Variants in ASPH observed in about 807,000 individuals in gnomAD.
ASPH encodes aspartyl/asparaginyl beta-hydroxylase.
A neutral mutation model predicts 118.4 loss-of-function variants in ASPH; 100 were observed. The ratio of observed to expected loss-of-function variants is 0.84; its 90% CI spans 0.72 to 1.00. ASPH has a LOEUF of 1.00. ASPH is among the 50% of genes least tolerant of loss of function. The probability of loss-of-function intolerance (pLI) is 0.00; values close to 1 mark genes in which losing one functional copy is unlikely to be tolerated. For missense variants in ASPH, 920 were observed against 919.5 expected, an observed-to-expected ratio of 1.00 and a Z score of -0.01; for synonymous variants, 315 against 325.6, an observed-to-expected ratio of 0.97 and a Z score of 0.35.
chr8:61,660,865 A>T (rs1032875723), intron 3 of ASPH: 4 of 152,244 alleles, frequency 2.6e-5, no homozygotes, highest in Non-Finnish European at 5.9e-5. Context: ...ATTTTTGTGG[A>T]CCAGAGTAAA....
chr8:61,647,691 TTA>T (rs1398950703), intron 5 of ASPH, among the ~76,000 whole-genome samples: 2 of 151,690 alleles, frequency 1.3e-5, no homozygotes, highest in Non-Finnish European at 2.9e-5. Context: ...AATAAATAAA[TTA>T]AATTAAATTA....
chr8:61,656,097 T>C (rs1430775885), intron 3 of ASPH: 1 of 152,152 alleles, frequency 6.6e-6, no homozygotes, highest in East Asian at 1.9e-4. Flanking sequence ...TCAAGAAAAG[T>C]AAATGCATAT....
chr8:61,589,035 T>C (rs773858263), intron 14 of ASPH, among the ~76,000 whole-genome samples: 1 of 152,214 alleles, frequency 6.6e-6, no homozygotes, highest in Non-Finnish European at 1.5e-5. Flanking sequence ...TCCATTTAGA[T>C]AGCATTCTGG....
chr8:61,534,412 C>T (rs1444929234), intron 21 of ASPH, among the ~76,000 whole-genome samples: 1 of 152,034 alleles, frequency 6.6e-6, no homozygotes, highest in African/African-American at 2.4e-5. Flanking sequence ...CTTTCAAATT[C>T]GTTTTTAAGA....
chr8:61,714,318 G>A lies in ASPH; in HGVS notation c.54C>T (p.Ser18=), dbSNP rs1234819129. The A allele has an allele frequency of 2.6e-6, 4 of 1,519,692 alleles. No individual in the cohort carries two copies. Among genetic ancestry groups the A allele is most frequent in the Non-Finnish European group, 3.5e-6 (4 of 1,134,598 alleles). The allele number at this position is 1,519,692 out of a possible 1,614,324, so 94.1% of individuals were successfully genotyped here. A position where few individuals can be genotyped will look rare whatever the true frequency, so the allele number is the denominator to read the frequency against. Residue 18 remains serine (S), a synonymous_variant, in exon 1 of 25, where the codon TCC becomes TCT. Transcript: ENST00000379454. ...TGCCCGCACTCGTGCTACCGCTGCC[G>A]GAGCCGCTGCTGCTGCTGTTGCCGC... is the stretch of plus-strand genomic sequence containing the variant. ...KSSGNSSSSG[S]GSGSTSAGSS... is the part of the protein sequence containing the mutation.
chr8:61,607,637 A>C (rs763564322), intron 14 of ASPH, among the ~76,000 whole-genome samples: 9 of 151,866 alleles, frequency 5.9e-5, no homozygotes, highest in Non-Finnish European at 1.3e-4. Flanking sequence ...AAAAAAAAAC[A>C]ACATTCTTTC....
At chr8:61,659,610 A>C (rs532540554) in intron 3 of ASPH, 2 of 152,254 alleles carry the variant, frequency 1.3e-5, no homozygotes, top group Non-Finnish European at 2.9e-5. Flanking sequence ...GGTAAAAACG[A>C]TAGCCAAGGA....
chr8:61,675,868 T>A, intron 3 of ASPH: 2 of 1,366,454 alleles, frequency 1.5e-6, no homozygotes, highest in East Asian at 2.6e-5. Flanking sequence ...GAATGAGGAG[T>A]ACCATTTTCT....
At chr8:61,677,561 C>G (rs1393442846) in intron 3 of ASPH, among the ~76,000 whole-genome samples, 1 of 152,156 alleles carries the variant, frequency 6.6e-6, no homozygotes, top group Non-Finnish European at 1.5e-5. Context: ...AGTGAATTTT[C>G]TCTGCTTTAC....
intron 20 of ASPH, among the ~76,000 whole-genome samples, chr8:61,549,844 T>C (rs1825258580): frequency 6.6e-6 from 1 of 152,180 alleles, no homozygotes; most frequent in Admixed American, 6.5e-5. Flanking sequence ...AGAAAAGAAG[T>C]TATTGTAGAA....
chr8:61,677,864 T>C (rs1001043809), intron 3 of ASPH, among the ~76,000 whole-genome samples: 1 of 152,180 alleles, frequency 6.6e-6, no homozygotes, highest in Non-Finnish European at 1.5e-5. Context: ...TTTTCCATCC[T>C]TCAGTATGAC....
At chr8:61,613,540 A>G (rs553296828) in intron 14 of ASPH, among the ~76,000 whole-genome samples, 2 of 152,330 alleles carry the variant, frequency 1.3e-5, no homozygotes, top group African/African-American at 2.4e-5. Context: ...ATTAAAAGGA[A>G]AATTCAAAAT....
intron 3 of ASPH, chr8:61,675,269 A>G (rs1168384659): frequency 1.1e-6 from 1 of 889,870 alleles, no homozygotes; most frequent in Non-Finnish European, 1.3e-6. Context: ...TTTAGGATGA[A>G]TAATTTTAAT....
intron 7 of ASPH, among the ~76,000 whole-genome samples, chr8:61,644,254 C>G (rs1329274287): frequency 1.3e-5 from 2 of 152,226 alleles, no homozygotes; most frequent in African/African-American, 2.4e-5. Context: ...ACAGATGATG[C>G]GCCCACCTCC....
chr8:61,691,080 G>C (rs1186545629), intron 1 of ASPH, among the ~76,000 whole-genome samples: 4 of 152,096 alleles, frequency 2.6e-5, no homozygotes, highest in Non-Finnish European at 5.9e-5. Flanking sequence ...TTCCAAAAAG[G>C]AACAAAACAC....
intron 14 of ASPH, among the ~76,000 whole-genome samples, chr8:61,612,124 A>C (rs1334607929): frequency 6.6e-6 from 1 of 152,178 alleles, no homozygotes; most frequent in Non-Finnish European, 1.5e-5. Context: ...ATCATAAATA[A>C]GTACAAAGAA....
In ASPH at chr8:61,638,351, G is replaced by C; in HGVS notation, c.803C>G (p.Pro268Arg). The C allele has an allele frequency of 2.5e-6, 4 of 1,591,020 alleles. No individual in the cohort carries two copies. The highest frequency in any genetic ancestry group is 2.6e-6 in the Non-Finnish European group (3 of 1,171,410). Residue 268 changes from proline to arginine, a missense_variant, in exon 11 of 25, where the codon CCT becomes CGT. Transcript: ENST00000379454. ...GATTTCTATCCCTTCATTTTCTAGA[G>C]GTTCATATACTGCTAAAAAAAAAAA... The part of the protein sequence containing the change: ...QVYEEQAVYE[P>R]LENEGIEITE...
At chr8:61,530,689 A>G (rs565192343) in intron 21 of ASPH, among the ~76,000 whole-genome samples, 12 of 152,292 alleles carry the variant, frequency 7.9e-5, no homozygotes, top group African/African-American at 2.4e-4. Context: ...TATTTTTCTT[A>G]CTAATGTTTT....
chr8:61,532,027 T>G (rs1817769925), intron 21 of ASPH, among the ~76,000 whole-genome samples: 1 of 152,236 alleles, frequency 6.6e-6, no homozygotes, highest in Non-Finnish European at 1.5e-5. Flanking sequence ...TTTGAGTTAC[T>G]GACTTCATTT....
Sources: gnomAD v4.1 joint callset for allele counts (sites outside exome capture counted in the v4.1 genomes callset) on GRCh38, gnomAD v4.1.1 for gene constraint, MANE v1.5 for transcripts, NCBI Gene and HGNC (gene_info 2026-07-23, HGNC 2026-07-21) for gene names.